Variants in ATL1 observed in about 807,000 individuals in gnomAD.
ATL1 encodes the protein atlastin GTPase 1, also known as atlastin-1.
A neutral mutation model predicts 75.5 loss-of-function variants in ATL1; 31 were observed. The observed-to-expected ratio is 0.41, with a 90% CI of 0.31 to 0.55. The LOEUF (loss-of-function observed/expected upper bound fraction) is 0.55. Ranked by LOEUF, ATL1 falls within the 20% of genes least tolerant of loss-of-function variation. The pLI, the probability that ATL1 is intolerant of heterozygous loss-of-function variation, is 0.27. For synonymous variants in ATL1, 226 were observed against 233.3 expected, an observed-to-expected ratio of 0.97 and a Z score of 0.28; for missense variants, 405 against 662.6, an observed-to-expected ratio of 0.61 and a Z score of 4.27.
upstream of ATL1, among the ~76,000 whole-genome samples, chr14:50,555,660 ATAT>A (rs1190599819): frequency 6.6e-6 from 1 of 152,166 alleles, no homozygotes; most frequent in African/African-American, 2.4e-5. Context: ...ACCAAAATAA[ATAT>A]TTGTCTTATT....
At chr14:50,545,475 T>TC (rs2038619698) in intron 1 of ATL1, among the ~76,000 whole-genome samples, 1 of 152,126 alleles carries the variant, frequency 6.6e-6, no homozygotes, top group Non-Finnish European at 1.5e-5. Flanking sequence ...GGTGAAATAG[T>TC]CCAACTGCTC....
At chr14:50,617,006 T>C (rs1378819897) in intron 8 of ATL1, among the ~76,000 whole-genome samples, 1 of 152,184 alleles carries the variant, frequency 6.6e-6, no homozygotes, top group African/African-American at 2.4e-5. Context: ...TGAAGAAAAG[T>C]CTCCGAATAA....
chr14:50,588,848 T>C (rs780354135), intron 2 of ATL1, among the ~76,000 whole-genome samples: 2 of 152,214 alleles, frequency 1.3e-5, no homozygotes, highest in Non-Finnish European at 2.9e-5. Flanking sequence ...GTTATGGAAA[T>C]GTTATTATGC....
chr14:50,534,693 G>A (rs1327769427), intron 1 of ATL1, among the ~76,000 whole-genome samples: 1 of 152,220 alleles, frequency 6.6e-6, no homozygotes, highest in Non-Finnish European at 1.5e-5. Flanking sequence ...TGGTTAAAAA[G>A]TCGAGACTCT....
chr14:50,560,410 G>A lies in ATL1; in HGVS notation c.34+111G>A. ...GGGCTGCTAGGTGCCTGCGTCCACG[G>A]CTGGGAGACGGGCCGTAGCCGAGCC... On this transcript the variant is annotated intron_variant, in intron 1 of 13. Transcript: ENST00000358385. 5.7e-6 allele frequency: 8 copies of A among 1,397,258 alleles called. No individual in the cohort carries two copies. The South Asian group carries it at 7.5e-5, about 13-fold the overall frequency. 86.6% of individuals were successfully genotyped at this position (1,397,258 alleles called of 1,614,324 possible).
intron 1 of ATL1, among the ~76,000 whole-genome samples, chr14:50,541,956 G>A (rs1010769456): frequency 3.0e-5 from 4 of 131,446 alleles, no homozygotes; most frequent in Non-Finnish European, 4.6e-5. Flanking sequence ...GTAGTGAGCC[G>A]AGATCGCGCC....
rs775103437 is a variant in ATL1, at chr14:50,628,441, G to A, written c.1530G>A (p.Val510=). ...AGCTGGGAGCTGTAATAGACCAGGT[G>A]GCTGCAGCTCTGTGGGACCAGGTAA... ...YRELGAVIDQ[V]AAALWDQGST... The change falls in exon 12 of 14, where the codon GTG becomes GTA. Residue 510 remains valine, a synonymous_variant. Coordinates refer to ENST00000358385, the MANE Select transcript of ATL1 (RefSeq NM_015915.5). The A allele has an allele frequency of 6.2e-7, 1 of 1,614,024 alleles. No homozygotes were observed. The highest frequency in any genetic ancestry group is 1.1e-5 in the South Asian group (1 of 91,052).
rs776267194 is a variant in ATL1, at chr14:50,628,540, T to C, written c.1551+78T>C. 17 of 1,448,428 alleles carry C rather than the reference T, an allele frequency of 1.2e-5. No homozygotes were observed. The East Asian group carries it at 3.2e-4, about 27-fold the overall frequency. The allele number at this position is 1,448,428 out of a possible 1,614,324, so 89.7% of individuals were successfully genotyped here. On this transcript the variant is annotated intron_variant, in intron 12 of 13. Coordinates refer to ENST00000358385, the MANE Select transcript of ATL1 (RefSeq NM_015915.5). ...CATGTGCCAGCCACTGCATTAGATG[T>C]TGGAAATACAGATCAACAGGAATTG...
rs1461229280 is a variant in ATL1, at chr14:50,560,148, G to A, written c.-118G>A. 2 of 1,233,726 alleles carry A rather than the reference G, an allele frequency of 1.6e-6. No individual in the cohort carries two copies. Among genetic ancestry groups the A allele is most frequent in the Non-Finnish European group, 1.2e-6 (1 of 855,974 alleles). 76.4% of individuals were successfully genotyped at this position (1,233,726 alleles called of 1,614,324 possible). A position where few individuals can be genotyped will look rare whatever the true frequency, so the allele number is the denominator to read the frequency against. On this transcript the variant is annotated 5_prime_UTR_variant, in exon 1 of 14. Coordinates refer to ENST00000358385, the MANE Select transcript of ATL1 (RefSeq NM_015915.5). ...CCAGCGCCACAGCAACATCCTCAGA[G>A]TCTGAGCGAACTGCGCCCAGCGCGG...
chr14:50,562,206 G>A (rs1489367865), intron 1 of ATL1, among the ~76,000 whole-genome samples: 3 of 152,006 alleles, frequency 2.0e-5, no homozygotes, highest in Admixed American at 1.3e-4. Context: ...CACCGTGCCC[G>A]GCTAATTTTT....
At chr14:50,620,204 G>A (rs1010836927) in intron 8 of ATL1, among the ~76,000 whole-genome samples, 14 of 152,192 alleles carry the variant, frequency 9.2e-5, no homozygotes, top group African/African-American at 3.4e-4. Flanking sequence ...GTTGCAGTGA[G>A]CTGAGATTGC....
intron 6 of ATL1, among the ~76,000 whole-genome samples, chr14:50,604,403 A>G (rs2039298165): frequency 6.6e-6 from 1 of 152,228 alleles, no homozygotes; most frequent in Non-Finnish European, 1.5e-5. Flanking sequence ...TTTGTCATTT[A>G]CTTTTTGAAG....
chr14:50,556,695 CT>C (rs1435137688), upstream of ATL1, among the ~76,000 whole-genome samples: 5 of 152,140 alleles, frequency 3.3e-5, no homozygotes, highest in Non-Finnish European at 7.3e-5. Flanking sequence ...TACTTTCTGC[CT>C]CTTTAGATTT....
chr14:50,617,469 C>T (rs1257359859), intron 8 of ATL1, among the ~76,000 whole-genome samples: 1 of 152,132 alleles, frequency 6.6e-6, no homozygotes, highest in Admixed American at 6.5e-5. Flanking sequence ...TTAGCAGCTG[C>T]AGTTAGACTT....
intron 2 of ATL1, among the ~76,000 whole-genome samples, chr14:50,588,724 T>TAA (rs566992006): frequency 1.3e-5 from 2 of 151,188 alleles, no homozygotes; most frequent in Non-Finnish European, 3.0e-5. Flanking sequence ...CTGTCTCTAC[T>TAA]AAAAAAAAAC....
intron 1 of ATL1, among the ~76,000 whole-genome samples, chr14:50,535,107 CAT>C (rs200106374): frequency 1.3e-5 from 2 of 152,300 alleles, no homozygotes; most frequent in East Asian, 3.9e-4. Context: ...CATGCTGACA[CAT>C]AAATATTTTT....
At chr14:50,600,564 C>G (rs972576778) in intron 6 of ATL1, among the ~76,000 whole-genome samples, 5 of 152,118 alleles carry the variant, frequency 3.3e-5, no homozygotes, top group African/African-American at 4.8e-5. Flanking sequence ...ATTCAAATTT[C>G]AAAACATATA....
intron 1 of ATL1, among the ~76,000 whole-genome samples, chr14:50,573,821 A>G (rs1312015038): frequency 6.6e-6 from 1 of 152,218 alleles, no homozygotes; most frequent in African/African-American, 2.4e-5. Flanking sequence ...CCTTTGAACT[A>G]TGTTAAGTGT....
chr14:50,566,875 C>G (rs1459166636), intron 1 of ATL1, among the ~76,000 whole-genome samples: 1 of 151,998 alleles, frequency 6.6e-6, no homozygotes, highest in Non-Finnish European at 1.5e-5. Flanking sequence ...AAAATCTTCT[C>G]TTACCTCAAA....
Sources: gnomAD v4.1 joint callset for allele counts (sites outside exome capture counted in the v4.1 genomes callset) on GRCh38, gnomAD v4.1.1 for gene constraint, MANE v1.5 for transcripts, NCBI Gene and HGNC (gene_info 2026-07-23, HGNC 2026-07-21) for gene names.